AOX1: variants seen among roughly 807,000 people sequenced by gnomAD.
AOX1 encodes the protein aldehyde oxidase.
A neutral mutation model predicts 169.5 loss-of-function variants in AOX1; 153 were observed. That is an observed-to-expected ratio of 0.90 (90% CI 0.79 to 1.03). The LOEUF (loss-of-function observed/expected upper bound fraction) is 1.03. AOX1 is among the 50% of genes least tolerant of loss of function. The pLI is 0.00. For synonymous variants in AOX1, 562 were observed against 581.9 expected (o/e 0.97, Z 0.49); for missense variants, 1,656 against 1,663.9 (o/e 1.00, Z 0.08).
At chr2:200,650,648 A>G (rs990801424) in intron 25 of AOX1, among the ~76,000 whole-genome samples, 9 of 152,232 alleles carry the variant, frequency 5.9e-5, no homozygotes, top group African/African-American at 1.9e-4. Context: ...ATCTTTCAGC[A>G]GATACCCAAA....
chr2:200,668,684 A>G lies in AOX1; in HGVS notation c.3679A>G (p.Ile1227Val). 6.2e-7 allele frequency: 1 copy of G among 1,614,184 alleles called. No individual in the cohort carries two copies. Residue 1227 changes from isoleucine (I) to valine (V), a missense_variant, in exon 33 of 35, where the codon ATT (isoleucine) becomes GTT (valine). Transcript: ENST00000374700. ...IEELNYSPQG[I>V]LHTRGPDQYK... ...GGAACTGAATTATTCTCCCCAGGGC[A>G]TTCTGCACACTCGTGGTCCAGACCA...
At chr2:200,665,465 T>C (rs544353889) in intron 31 of AOX1, among the ~76,000 whole-genome samples, 9 of 152,290 alleles carry the variant, frequency 5.9e-5, no homozygotes, top group African/African-American at 2.2e-4. Context: ...GGATTCTTGC[T>C]CTGTTGCCCA....
Position 200,599,738 on chromosome 2 carries a change from C to T in AOX1, c.428C>T (p.Ala143Val). ...CCCACTCTGGATCAGTTAACTGATG[C>T]CCTTGGTGGTAGGTTATATATGCAT... ...PEPTLDQLTD[A>V]LGGNLCRCTG... is the part of the protein sequence containing the mutation. Residue 143 changes from alanine to valine, a missense_variant, in exon 5 of 35, where the codon GCC (alanine) becomes GTC (valine). Transcript: ENST00000374700. 2 of 1,594,082 alleles carry T rather than the reference C, an allele frequency of 1.3e-6. No homozygotes were observed. Among genetic ancestry groups the T allele is most frequent in the Non-Finnish European group, 8.5e-7 (1 of 1,170,096 alleles).
chr2:200,637,490 T>A (rs6741421), intron 22 of AOX1, among the ~76,000 whole-genome samples: 2 of 152,138 alleles, frequency 1.3e-5, no homozygotes, highest in African/African-American at 4.8e-5. Context: ...TTTGTGTGTA[T>A]ATATGTACAT....
intron 20 of AOX1, among the ~76,000 whole-genome samples, 187 bp downstream of exon 20, chr2:200,627,636 G>A (rs1053941664): frequency 6.6e-6 from 1 of 152,102 alleles, no homozygotes; most frequent in African/African-American, 2.4e-5. Context: ...AGCCAATGGG[G>A]AGGCAAAAGA....
intron 10 of AOX1, among the ~76,000 whole-genome samples, chr2:200,607,025 A>G (rs1018854265): frequency 1.3e-5 from 2 of 152,210 alleles, no homozygotes; most frequent in African/African-American, 4.8e-5. Flanking sequence ...TACGTTGAAT[A>G]GTAGTGGTGA....
intron 28 of AOX1, among the ~76,000 whole-genome samples, chr2:200,659,526 A>T (rs140272759): frequency 2.8e-3 from 429 of 152,250 alleles, no homozygotes; most frequent in Admixed American, 5.5e-3. Context: ...CTACTCAAAA[A>T]TGTCTCTGTC....
At chr2:200,655,430 T>C (rs1442794565) in intron 26 of AOX1, among the ~76,000 whole-genome samples, 2 of 152,130 alleles carry the variant, frequency 1.3e-5, no homozygotes, top group African/African-American at 2.4e-5. Flanking sequence ...GAGCAAAAGA[T>C]GGTGTTTCCA....
chr2:200,649,745 G>GCT (rs988618482), intron 25 of AOX1, among the ~76,000 whole-genome samples: 2 of 152,100 alleles, frequency 1.3e-5, no homozygotes, highest in Non-Finnish European at 2.9e-5. Flanking sequence ...GATGGGGTGA[G>GCT]CTCTCTCTCA....
chr2:200,662,623 G>C (rs1450099663), intron 30 of AOX1, among the ~76,000 whole-genome samples: 1 of 152,204 alleles, frequency 6.6e-6, no homozygotes, highest in Non-Finnish European at 1.5e-5. Flanking sequence ...CAGGAGTAAG[G>C]AGGCACCAGT....
intron 10 of AOX1, among the ~76,000 whole-genome samples, chr2:200,607,084 C>A (rs1445488094): frequency 3.3e-5 from 5 of 152,108 alleles, no homozygotes; most frequent in Non-Finnish European, 1.5e-5. Flanking sequence ...ATCCTTCCAG[C>A]TTTTGCCCAT....
chr2:200,637,309 G>T (rs992367213), intron 22 of AOX1, among the ~76,000 whole-genome samples: 5 of 152,154 alleles, frequency 3.3e-5, no homozygotes, highest in Non-Finnish European at 5.9e-5. Flanking sequence ...GAATGGGTGG[G>T]AGTTACTTGT....
chr2:200,591,136 CATTA>C (rs779734827), intron 1 of AOX1, among the ~76,000 whole-genome samples: 10 of 152,208 alleles, frequency 6.6e-5, no homozygotes, highest in Admixed American at 2.6e-4. Context: ...TCATTCATTT[CATTA>C]ATTAACACTT....
rs1660197215 is a variant in AOX1, at chr2:200,609,069, A to G, written c.993A>G (p.Thr331=). The G allele has an allele frequency of 6.2e-7, 1 of 1,614,078 alleles. No homozygotes were observed. The highest frequency in any genetic ancestry group is 8.5e-7 in the Non-Finnish European group (1 of 1,179,990). The change falls in exon 11 of 35, where the codon ACA becomes ACG. Residue 331 remains threonine (T), a synonymous_variant. Coordinates refer to ENST00000374700, the MANE Select transcript of AOX1 (RefSeq NM_001159.4). ...TCCAGAAGCTTCCAGAGGAGAAGAC[A>G]CAGATGTACCATGCTCTCCTGAAGC... ...DVVQKLPEEK[T]QMYHALLKHL... is the part of the protein sequence containing the mutation.
intron 2 of AOX1, 151 bp downstream of exon 2, chr2:200,593,354 C>A (rs1416336776): frequency 1.5e-6 from 1 of 685,706 alleles, no homozygotes; most frequent in Non-Finnish European, 2.4e-6. Context: ...AAAGTCCTAT[C>A]ATTTTATAGG....
chr2:200,668,634 A>G lies in AOX1; in HGVS notation c.3629A>G (p.Gln1210Arg). Residue 1210 changes from glutamine to arginine, a missense_variant, in exon 33 of 35, where the codon CAA (glutamine) becomes CGA (arginine). Physicochemically the swap from Gln to Arg is conservative, Grantham distance 43 (BLOSUM62 1). Transcript: ENST00000374700. ...DIGQIEGAFIQGMGLYTIEEL... is the reference protein window; with the variant it reads ...DIGQIEGAFIRGMGLYTIEEL... ...CCTCAGATTGAAGGTGCATTTATTC[A>G]AGGCATGGGACTTTATACAATAGAG... The G allele has an allele frequency of 6.2e-7, 1 of 1,604,240 alleles. No homozygotes were observed. The highest frequency in any genetic ancestry group is 8.5e-7 in the Non-Finnish European group (1 of 1,175,974).
At chr2:200,654,139 T>C (rs1489713087) in intron 26 of AOX1, among the ~76,000 whole-genome samples, 1 of 132,756 alleles carries the variant, frequency 7.5e-6, no homozygotes, top group Non-Finnish European at 1.5e-5. Context: ...AATCAAATGC[T>C]AGAAATGATT....
chr2:200,677,104 G>A (rs16834027), downstream of AOX1: 27,850 of 364,062 alleles, frequency 0.076, 1,289 homozygotes, highest in African/African-American at 0.14. Flanking sequence ...TTGCCAAGAC[G>A]ATCCTAGGTT....
At chr2:200,613,003 C>CGTGTGT (rs745607427) in intron 14 of AOX1, among the ~76,000 whole-genome samples, 66 of 144,200 alleles carry the variant, frequency 4.6e-4, no homozygotes, top group South Asian at 3.2e-3. Context: ...ACTCTGTGTG[C>CGTGTGT]GTGTGTGTGT....
Sources: gnomAD v4.1 joint callset for allele counts (sites outside exome capture counted in the v4.1 genomes callset) on GRCh38, gnomAD v4.1.1 for gene constraint, MANE v1.5 for transcripts, NCBI Gene and HGNC (gene_info 2026-07-23, HGNC 2026-07-21) for gene names.